Variants in CSMD3 observed in about 807,000 individuals in gnomAD.
The protein encoded by CSMD3 is CUB and Sushi multiple domains 3.
CSMD3 carries 177 observed loss-of-function variants against 435.2 expected under a neutral mutation model. The observed-to-expected ratio is 0.41, with a 90% CI of 0.36 to 0.46. The LOEUF (loss-of-function observed/expected upper bound fraction) is 0.46, where lower values mean the gene tolerates loss of function less well. Ranked by LOEUF, CSMD3 falls within the 20% of genes least tolerant of loss-of-function variation. The pLI is 0.34. For synonymous variants in CSMD3, 1,656 were observed against 1,520.5 expected (o/e 1.09, Z -2.07); for missense variants, 4,265 against 4,504.6 (o/e 0.95, Z 1.52).
chr8:113,410,821 C>T (rs541186548), intron 1 of CSMD3, among the ~76,000 whole-genome samples: 15 of 150,046 alleles, frequency 1.0e-4, no homozygotes, highest in Non-Finnish European at 2.2e-4. Flanking sequence ...TGGAGGATCG[C>T]TTAAGTTTTG....
chr8:113,206,540 T>C (rs2132054454), intron 3 of CSMD3, among the ~76,000 whole-genome samples: 1 of 152,252 alleles, frequency 6.6e-6, no homozygotes, highest in African/African-American at 2.4e-5. Context: ...TTAATTTTTT[T>C]CTGTATATTC....
chr8:112,940,300 G>C (rs1488823486), intron 9 of CSMD3, among the ~76,000 whole-genome samples: 2 of 151,528 alleles, frequency 1.3e-5, no homozygotes, highest in Admixed American at 1.3e-4. Flanking sequence ...ATTGTTATTT[G>C]CTCTCAAGAG....
At chr8:112,956,384 T>A (rs561540657) in intron 7 of CSMD3, among the ~76,000 whole-genome samples, 9 of 152,148 alleles carry the variant, frequency 5.9e-5, no homozygotes, top group Non-Finnish European at 1.0e-4. Flanking sequence ...TTTTGTCACA[T>A]GTGAATTTTC....
intron 13 of CSMD3, among the ~76,000 whole-genome samples, chr8:112,736,103 G>A (rs1018783729): frequency 6.6e-6 from 1 of 151,930 alleles, no homozygotes; most frequent in African/African-American, 2.4e-5. Context: ...TATTTGGCAC[G>A]TAAGTATAAA....
chr8:113,133,718 C>CAT (rs960828954), intron 4 of CSMD3, among the ~76,000 whole-genome samples: 43 of 151,780 alleles, frequency 2.8e-4, no homozygotes, highest in African/African-American at 3.6e-4. Flanking sequence ...CAAAAAGTGA[C>CAT]ATATATATAT....
intron 13 of CSMD3, among the ~76,000 whole-genome samples, chr8:112,732,709 A>G (rs1439254318): frequency 2.0e-5 from 3 of 151,546 alleles, no homozygotes; most frequent in Non-Finnish European, 4.4e-5. Context: ...CAAAAAAAAA[A>G]AAAAAAAGAA....
intron 38 of CSMD3, among the ~76,000 whole-genome samples, chr8:112,354,980 G>A (rs1260359218): frequency 3.3e-5 from 5 of 152,158 alleles, no homozygotes; most frequent in African/African-American, 4.8e-5. Context: ...AACCAAAACA[G>A]CATGGTACTG....
chr8:113,123,426 A>T (rs1211400494), intron 4 of CSMD3, among the ~76,000 whole-genome samples: 1 of 152,134 alleles, frequency 6.6e-6, no homozygotes, highest in Non-Finnish European at 1.5e-5. Context: ...TATTCTTGCA[A>T]ATAAAGTTCC....
At chr8:113,389,172 A>C (rs1349793449) in intron 1 of CSMD3, among the ~76,000 whole-genome samples, 3 of 151,708 alleles carry the variant, frequency 2.0e-5, no homozygotes, top group African/African-American at 7.2e-5. Context: ...ACAGCATGGA[A>C]TAGACCAAGA....
chr8:112,231,427 C>A, intron 69 of CSMD3, 118 bp downstream of exon 69: 1 of 753,692 alleles, frequency 1.3e-6, no homozygotes, highest in South Asian at 1.5e-5. Context: ...ATGCATAGTT[C>A]TGGCAGTACA....
chr8:112,598,433 G>T (rs1399191817), intron 22 of CSMD3, among the ~76,000 whole-genome samples: 1 of 148,048 alleles, frequency 6.8e-6, no homozygotes, highest in Non-Finnish European at 1.5e-5. Flanking sequence ...TGTGAAAATG[G>T]CCATACTGCC....
intron 24 of CSMD3, among the ~76,000 whole-genome samples, chr8:112,563,817 T>C (rs1828844984): frequency 6.6e-6 from 1 of 152,074 alleles, no homozygotes; most frequent in Admixed American, 6.6e-5. Context: ...GTATTTACTC[T>C]GTGAGGGTGT....
chr8:112,510,859 G>C (rs549812772), intron 28 of CSMD3, among the ~76,000 whole-genome samples: 2 of 151,970 alleles, frequency 1.3e-5, no homozygotes, highest in Admixed American at 6.6e-5. Flanking sequence ...ATTTCATAAC[G>C]TTTGTTGAAT....
chr8:113,008,043 C>T (rs935377901), intron 6 of CSMD3, among the ~76,000 whole-genome samples: 1 of 151,350 alleles, frequency 6.6e-6, no homozygotes, highest in African/African-American at 2.4e-5. Context: ...AAGACCTGTG[C>T]TACTTGTCTA....
At chr8:112,773,381 T>C (rs2078168962) in intron 13 of CSMD3, among the ~76,000 whole-genome samples, 1 of 151,992 alleles carries the variant, frequency 6.6e-6, no homozygotes, top group African/African-American at 2.4e-5. Context: ...CTGAAGAACA[T>C]TGACCTGGTA....
chr8:112,612,314 C>T (rs6996504), intron 22 of CSMD3, among the ~76,000 whole-genome samples: 36,533 of 151,972 alleles, frequency 0.24, 4,737 homozygotes, highest in African/African-American at 0.33. Context: ...AAAACTATCC[C>T]TTTCATTGGT....
chr8:112,974,899 A>T (rs2084789698), intron 7 of CSMD3, among the ~76,000 whole-genome samples: 1 of 151,908 alleles, frequency 6.6e-6, no homozygotes, highest in Admixed American at 6.6e-5. Context: ...TCACACTGCA[A>T]AAACCATAGC....
intron 6 of CSMD3, among the ~76,000 whole-genome samples, chr8:112,999,718 A>T (rs2085791709): frequency 1.3e-5 from 2 of 151,628 alleles, no homozygotes; most frequent in South Asian, 4.2e-4. Context: ...GGTGGAGTGA[A>T]GTAGTCTATT....
At position 112,638,819 on chromosome 8, in the gene CSMD3, G is replaced by A. The variant is rs369628503; in HGVS notation, c.3403C>T (p.Arg1135Cys). Residue 1135 changes from arginine to cysteine, a missense_variant, in exon 21 of 71, where the codon CGC (arginine) becomes TGC (cysteine). Around this residue, in one of 3 missense-constraint regions of CSMD3, gnomAD observed 3,255 missense variants for 3,380.2 expected, o/e 0.96. Transcript: ENST00000297405. ...GGAGGAAGATCTGAACCAGTCAGGCGTGCCAGTGGTTGGGTAAAACTGCCA... is the reference window on the plus strand; with the variant it reads ...GGAGGAAGATCTGAACCAGTCAGGCATGCCAGTGGTTGGGTAAAACTGCCA... ...ENGSFTQPLA[R>C]LTGSDLPPTI... is the part of the protein sequence containing the mutation. The A allele has an allele frequency of 9.9e-6, 16 of 1,612,030 alleles. No individual in the cohort carries two copies. The highest frequency in any genetic ancestry group is 4.0e-5 in the African/African-American group (3 of 74,806).
Sources: gnomAD v4.1 joint callset for allele counts (sites outside exome capture counted in the v4.1 genomes callset) on GRCh38, gnomAD v4.1.1 for gene constraint, gnomAD v4.1.1 regional missense constraint, MANE v1.5 for transcripts, NCBI Gene and HGNC (gene_info 2026-07-23, HGNC 2026-07-21) for gene names.